Variants in CPLANE1 observed in about 807,000 individuals in gnomAD.
CPLANE1 encodes ciliogenesis and planar polarity effector complex subunit 1.
Under a neutral mutation model 362.5 loss-of-function variants are expected in CPLANE1, and 263 were observed. That is an observed-to-expected ratio of 0.73 (90% confidence interval 0.66 to 0.80). The LOEUF is 0.80. Among genes scored for constraint, CPLANE1 ranks in the 30% least tolerant of loss-of-function variants. The pLI is 0.00. For synonymous variants in CPLANE1, 1,212 were observed against 1,302.6 expected (o/e 0.93, Z 1.50); for missense variants, 3,461 against 3,793.4 (o/e 0.91, Z 2.30).
chr5:37,140,560 G>A, intron 44 of CPLANE1: 1 of 985,320 alleles, frequency 1.0e-6, no homozygotes, highest in Non-Finnish European at 1.2e-6. Flanking sequence ...GGAAAGAGAA[G>A]GTCCATTAAA....
intron 44 of CPLANE1, 62 bp from the exon 45 acceptor site, chr5:37,139,432 T>A: frequency 9.0e-7 from 1 of 1,111,958 alleles, no homozygotes; most frequent in Non-Finnish European, 1.2e-6. Flanking sequence ...ATTGTTAATC[T>A]AATTTAGAAA....
the CPLANE1 span, among the ~76,000 whole-genome samples, chr5:37,097,914 AC>A: frequency 3.3e-5 from 5 of 152,326 alleles, 1 homozygote; most frequent in Non-Finnish European, 5.9e-5. Flanking sequence ...AAGACAGCAA[AC>A]AACAACAGTA....
intron 6 of CPLANE1, 45 bp downstream of exon 6, chr5:37,242,968 A>C: frequency 7.4e-7 from 1 of 1,345,094 alleles, no homozygotes; most frequent in African/African-American, 1.5e-5. Flanking sequence ...CCTCCAAAAG[A>C]AAAAAAAATC....
rs2150702953 is a variant in CPLANE1 at position 37,239,716 on chromosome 5, G to C, written c.831C>G (p.Pro277=). Residue 277 remains proline (P), a synonymous_variant, in exon 7 of 53, where the codon CCC becomes CCG. Transcript: ENST00000651892. The part of the protein sequence containing the change: ...TLAVTLNQKD[P]KATQVLFINT... ...TCTAAGACAGATATTTACTGACCTT[G>C]GGGTCTTTCTGATTAAGAGTTACTG... The C allele has an allele frequency of 6.6e-7, 1 of 1,505,992 alleles. No individual in the cohort carries two copies. Among genetic ancestry groups the C allele is most frequent in the East Asian group, 2.5e-5 (1 of 40,246 alleles). The allele number at this position is 1,505,992 out of a possible 1,614,324, so 93.3% of individuals were successfully genotyped here.
chr5:37,244,662 T>G, intron 4 of CPLANE1, 55 bp from the exon 5 acceptor site: 2 of 953,788 alleles, frequency 2.1e-6, no homozygotes, highest in South Asian at 3.3e-5. Context: ...TTCCCCCCAA[T>G]AAAGTACATA....
chr5:37,182,544 A>G (rs1782936953), intron 26 of CPLANE1, among the ~76,000 whole-genome samples: 1 of 152,190 alleles, frequency 6.6e-6, no homozygotes, highest in South Asian at 2.1e-4. Context: ...ATAAATACAC[A>G]TAAAACTTCA....
At chr5:37,135,951 T>C (rs1047204556) in intron 46 of CPLANE1, among the ~76,000 whole-genome samples, 2 of 152,202 alleles carry the variant, frequency 1.3e-5, no homozygotes, top group South Asian at 2.1e-4. Context: ...GTGGGGATTA[T>C]GGGAACTACA....
chr5:37,125,462 T>C, intron 46 of CPLANE1, 53 bp from the exon 47 acceptor site: 1 of 926,830 alleles, frequency 1.1e-6, no homozygotes, highest in East Asian at 5.2e-5. Flanking sequence ...GTTAAGCAGA[T>C]AAGATATATC....
At position 37,154,838 on chromosome 5, in the gene CPLANE1, C is replaced by A. The variant is rs772335298; in HGVS notation, c.8120-845G>T. On this transcript the variant is annotated intron_variant, in intron 41 of 52. Transcript: ENST00000651892. ...CCAGCTCCTTATATCCTGAACATCCCAGTTAGGTTGTCCCATAAGCATATA... is the reference window on the plus strand; with the variant it reads ...CCAGCTCCTTATATCCTGAACATCCAAGTTAGGTTGTCCCATAAGCATATA... Among the ~76,000 whole-genome samples, 11 of 152,266 alleles carry A rather than the reference C, an allele frequency of 7.2e-5. No individual in the cohort carries two copies. In the East Asian group the frequency reaches 2.1e-3, roughly 29 times the overall value.
In CPLANE1 at chr5:37,173,730, C is replaced by G. The variant is rs745400522; in HGVS notation, c.6171+25G>C. On this transcript the variant is annotated intron_variant, in intron 32 of 52. Transcript: ENST00000651892. ...TACATGTACACTATGTGTAGATTTA[C>G]TTACTTATATAGAGATGTGCTTACC... is the stretch of plus-strand genomic sequence containing the variant. 4 of 1,579,138 alleles carry G rather than the reference C, an allele frequency of 2.5e-6. No individual in the cohort carries two copies. In the Admixed American group the frequency reaches 6.8e-5, roughly 27 times the overall value.
intron 8 of CPLANE1, among the ~76,000 whole-genome samples, chr5:37,232,692 C>T (rs1339788923): frequency 1.3e-5 from 2 of 150,978 alleles, no homozygotes; most frequent in African/African-American, 2.4e-5. Context: ...AACAAAAAAA[C>T]AGTCGTGGTG....
At position 37,227,930 on chromosome 5, in the gene CPLANE1, T is replaced by C. The variant is rs1796813883; in HGVS notation, c.1122-113A>G. On this transcript the variant is annotated intron_variant, in intron 9 of 52. Coordinates refer to ENST00000651892, the MANE Select transcript of CPLANE1 (RefSeq NM_001384732.1). ...ACAGAACAATGAAAAAGCAAGCAAG[T>C]GAAACACACAAAAATATTAAATGTG... 3.1e-6 allele frequency: 3 copies of C among 964,720 alleles called. No homozygotes were observed. The South Asian group carries it at 5.4e-5, about 17-fold the overall frequency. 59.8% of individuals were successfully genotyped at this position (964,720 alleles called of 1,614,324 possible). A position where few individuals can be genotyped will look rare whatever the true frequency, so the allele number is the denominator to read the frequency against.
chr5:37,145,100 C>G (rs1271788418), intron 43 of CPLANE1, among the ~76,000 whole-genome samples: 1 of 151,940 alleles, frequency 6.6e-6, no homozygotes, highest in Non-Finnish European at 1.5e-5. Flanking sequence ...GGTCAAGAGA[C>G]TGAGACCATC....
At position 37,207,534 on chromosome 5, in the gene CPLANE1, A is replaced by G. The variant is rs183145912; in HGVS notation, c.2921-1109T>C. On this transcript the variant is annotated intron_variant, in intron 16 of 52. Coordinates refer to ENST00000651892, the MANE Select transcript of CPLANE1 (RefSeq NM_001384732.1). ...AAAAAAGTTCACGACCTTTTAAAAT[A>G]TCACACCAAATAAGCAACTCAAATC... 6.5e-3 allele frequency among the ~76,000 whole-genome samples: 987 copies of G among 152,354 alleles called. 8 individuals carry two copies. Among genetic ancestry groups the G allele is most frequent in the African/African-American group, 0.022 (929 of 41,582 alleles).
chr5:37,155,621 C>T (rs761465931), intron 41 of CPLANE1, among the ~76,000 whole-genome samples: 27 of 152,208 alleles, frequency 1.8e-4, no homozygotes, highest in Non-Finnish European at 3.5e-4. Context: ...GAAATCCACC[C>T]GCCTTAGCCT....
downstream of CPLANE1, among the ~76,000 whole-genome samples, chr5:37,101,929 G>A (rs542956884): frequency 7.4e-4 from 113 of 151,920 alleles, no homozygotes; most frequent in Non-Finnish European, 1.5e-3. Context: ...TTGTATTTCT[G>A]TGGGGTCAGT....
intron 43 of CPLANE1, among the ~76,000 whole-genome samples, chr5:37,146,194 T>TA (rs942250342): frequency 6.6e-6 from 1 of 152,148 alleles, no homozygotes; most frequent in African/African-American, 2.4e-5. Flanking sequence ...TTTTTTTTTT[T>TA]TCGAGACGGA....
At chr5:37,151,615 A>G (rs137968203) in intron 42 of CPLANE1, among the ~76,000 whole-genome samples, 2 of 152,346 alleles carry the variant, frequency 1.3e-5, no homozygotes, top group East Asian at 3.9e-4. Flanking sequence ...GTATAAATCA[A>G]ATATCTGGCT....
chr5:37,205,577 A>G (rs1790480684), intron 17 of CPLANE1, 123 bp from the exon 18 acceptor site: 6 of 650,618 alleles, frequency 9.2e-6, no homozygotes, highest in Non-Finnish European at 1.0e-5. Flanking sequence ...TATCTATCGT[A>G]CATGTAAAAA....
Sources: allele counts gnomAD v4.1 joint callset (sites outside exome capture counted in the v4.1 genomes callset), GRCh38; gene constraint gnomAD v4.1.1; transcripts MANE v1.5; gene names NCBI Gene and HGNC (gene_info 2026-07-23, HGNC 2026-07-21).